RNF13: variants seen among roughly 807,000 people sequenced by gnomAD.
RNF13 encodes the protein E3 ubiquitin-protein ligase RNF13.
A neutral mutation model predicts 37.7 loss-of-function variants in RNF13; 19 were observed. That is an observed-to-expected ratio of 0.50 (90% CI 0.35 to 0.74). The LOEUF (loss-of-function observed/expected upper bound fraction) is 0.74. Ranked by LOEUF, RNF13 falls within the 30% of genes least tolerant of loss-of-function variation. The pLI, the probability that RNF13 is intolerant of heterozygous loss-of-function variation, is 0.01. For synonymous variants in RNF13, 144 were observed against 157.8 expected (o/e 0.91, Z 0.65); for missense variants, 375 against 453.0 (o/e 0.83, Z 1.56).
chr3:149,954,786 A>G (rs1721697419), intron 8 of RNF13, among the ~76,000 whole-genome samples: 1 of 152,164 alleles, frequency 6.6e-6, no homozygotes, highest in Non-Finnish European at 1.5e-5. Context: ...GTAGCCTTTT[A>G]GTTGTTTTCT....
chr3:149,905,294 G>A (rs1559941381), intron 6 of RNF13, among the ~76,000 whole-genome samples: 1 of 152,014 alleles, frequency 6.6e-6, no homozygotes, highest in Non-Finnish European at 1.5e-5. Context: ...GGTGAGAAAT[G>A]GTATTCTATT....
chr3:149,872,149 A>T lies in RNF13; in HGVS notation c.316A>T (p.Ile106Leu), dbSNP rs1199346592. ...TAGAAGACTTGATTGTAATTTTGATATAAAGGTATGATTATCTTTTTTCAT... is the reference window on the plus strand; with the variant it reads ...TAGAAGACTTGATTGTAATTTTGATTTAAAGGTATGATTATCTTTTTTCAT... Reference protein sequence around the residue: ...LIRRLDCNFDIKVLNAQRAGY... With the variant: ...LIRRLDCNFDLKVLNAQRAGY... Residue 106 changes from isoleucine (I) to leucine (L), a missense_variant, in exon 4 of 10, where the codon ATA (isoleucine) becomes TTA (leucine). Transcript: ENST00000392894. 1 of 1,562,666 alleles carries T rather than the reference A, an allele frequency of 6.4e-7. No individual in the cohort carries two copies. The highest frequency in any genetic ancestry group is 1.4e-5 in the African/African-American group (1 of 72,916).
At chr3:149,900,353 A>G (rs190454695) in intron 5 of RNF13, among the ~76,000 whole-genome samples, 71 of 152,296 alleles carry the variant, frequency 4.7e-4, no homozygotes, top group African/African-American at 1.7e-3. Context: ...TAGAGAAAAT[A>G]TCTTAGCAAA....
intron 8 of RNF13, among the ~76,000 whole-genome samples, chr3:149,957,002 C>G (rs1721932697): frequency 6.6e-6 from 1 of 152,154 alleles, no homozygotes; most frequent in Non-Finnish European, 1.5e-5. Flanking sequence ...AGTTTAGAAC[C>G]CAACTCATGG....
intron 8 of RNF13, among the ~76,000 whole-genome samples, chr3:149,958,302 TCC>T (rs1722056748): frequency 6.6e-6 from 1 of 152,154 alleles, no homozygotes; most frequent in African/African-American, 2.4e-5. Context: ...CAGGGAAGAA[TCC>T]ATTTCCTTAC....
At chr3:149,937,038 G>A (rs1352809088) in intron 8 of RNF13, among the ~76,000 whole-genome samples, 1 of 152,146 alleles carries the variant, frequency 6.6e-6, no homozygotes, top group Non-Finnish European at 1.5e-5. Context: ...TTAGCTAGGA[G>A]TTTGTGCGCA....
chr3:149,853,846 T>C (rs1005330227), intron 3 of RNF13, among the ~76,000 whole-genome samples: 3 of 150,070 alleles, frequency 2.0e-5, no homozygotes, highest in African/African-American at 7.3e-5. Context: ...TTTTTTTTTT[T>C]TTTTTTTTAA....
chr3:149,882,414 A>G (rs1247303246), intron 4 of RNF13, among the ~76,000 whole-genome samples: 6 of 152,180 alleles, frequency 3.9e-5, no homozygotes, highest in East Asian at 1.9e-4. Flanking sequence ...ACAACTATTT[A>G]TATGAGAGAT....
At chr3:149,921,288 C>G (rs1419576821) in intron 8 of RNF13, 61 bp downstream of exon 8, 2 of 650,482 alleles carry the variant, frequency 3.1e-6, no homozygotes, top group Non-Finnish European at 4.6e-6. Flanking sequence ...GGTGACTATA[C>G]TCTTTAAAAA....
intron 8 of RNF13, among the ~76,000 whole-genome samples, chr3:149,954,549 A>C (rs1432459880): frequency 6.6e-6 from 1 of 152,238 alleles, no homozygotes; most frequent in African/African-American, 2.4e-5. Context: ...GCATTTGGAA[A>C]TATCTTCCAT....
At chr3:149,956,540 C>G (rs897780237) in intron 8 of RNF13, among the ~76,000 whole-genome samples, 1 of 152,162 alleles carries the variant, frequency 6.6e-6, no homozygotes, top group Admixed American at 6.5e-5. Context: ...GGGGAAAAAT[C>G]ATGGATGAAC....
At chr3:149,832,002 A>G (rs1300243366) in intron 1 of RNF13, among the ~76,000 whole-genome samples, 2 of 152,308 alleles carry the variant, frequency 1.3e-5, no homozygotes, top group South Asian at 2.1e-4. Context: ...ACTGGCTATT[A>G]TAAATTTTCC....
chr3:149,948,085 G>T (rs1227609920), intron 8 of RNF13, among the ~76,000 whole-genome samples: 2 of 152,152 alleles, frequency 1.3e-5, no homozygotes, highest in East Asian at 3.9e-4. Context: ...GAGTAGCTGG[G>T]ATTACAGGCA....
chr3:149,835,649 GTGTGTGTGTGTGTGTGTT>G (rs1436623492), intron 1 of RNF13, among the ~76,000 whole-genome samples: 16 of 151,108 alleles, frequency 1.1e-4, no homozygotes, highest in African/African-American at 3.6e-4. Context: ...GTGTGTGTGT[GTGTGTGTGTGTGTGTGTT>G]TGTGTGTGTG....
At chr3:149,905,548 G>T (rs1576854450) in intron 6 of RNF13, among the ~76,000 whole-genome samples, 1 of 150,186 alleles carries the variant, frequency 6.7e-6, no homozygotes, top group Non-Finnish European at 1.5e-5. Context: ...ATGATGTTGG[G>T]TTTTTTTTAA....
chr3:149,853,455 G>GGAGAGAGAGAGAGAGAGA (rs397842025), intron 3 of RNF13, among the ~76,000 whole-genome samples: 29 of 117,260 alleles, frequency 2.5e-4, no homozygotes, highest in South Asian at 5.7e-4. Flanking sequence ...AGAGAGAGAG[G>GGAGAGAGAGAGAGAGAGA]GAGAGAGAGA....
intron 4 of RNF13, among the ~76,000 whole-genome samples, chr3:149,885,432 G>A (rs930702157): frequency 4.6e-5 from 7 of 152,130 alleles, no homozygotes; most frequent in South Asian, 2.1e-4. Flanking sequence ...TTCAACTGGG[G>A]TGAGATGATA....
At chr3:149,888,352 A>T (rs1714281686) in intron 4 of RNF13, among the ~76,000 whole-genome samples, 1 of 152,190 alleles carries the variant, frequency 6.6e-6, no homozygotes, top group African/African-American at 2.4e-5. Context: ...ATGTTATTAA[A>T]ATTAGAAGAG....
intron 6 of RNF13, among the ~76,000 whole-genome samples, chr3:149,909,801 G>A (rs1218910749): frequency 6.6e-6 from 1 of 151,988 alleles, no homozygotes; most frequent in Non-Finnish European, 1.5e-5. Flanking sequence ...TAGTTCACTG[G>A]GACTTCCTGA....
Sources: gnomAD v4.1 joint callset for allele counts (sites outside exome capture counted in the v4.1 genomes callset) on GRCh38, gnomAD v4.1.1 for gene constraint, MANE v1.5 for transcripts, NCBI Gene and HGNC (gene_info 2026-07-23, HGNC 2026-07-21) for gene names.